MYBPC3: variants seen among roughly 807,000 people sequenced by gnomAD.
MYBPC3 encodes the protein myosin binding protein C3.
A neutral mutation model predicts 159.3 loss-of-function variants in MYBPC3; 108 were observed. The observed-to-expected ratio is 0.68, with a 90% confidence interval of 0.58 to 0.80. The LOEUF (loss-of-function observed/expected upper bound fraction) is 0.80. MYBPC3 is among the 30% of genes least tolerant of loss of function. The pLI is 0.00. For synonymous variants in MYBPC3, 730 were observed against 702.0 expected (o/e 1.04, Z -0.63); for missense variants, 1,631 against 1,762.1 (o/e 0.93, Z 1.33).
rs375774648 is a variant in MYBPC3 at position 47,347,666 on chromosome 11, C to G, written c.836G>C (p.Gly279Ala). 33 of 1,574,236 alleles carry G rather than the reference C, an allele frequency of 2.1e-5. No homozygotes were observed. Among genetic ancestry groups the G allele is most frequent in the Middle Eastern group, 3.5e-4 (2 of 5,652 alleles). The stretch of plus-strand genomic sequence containing the variant: ...GCAGGGGTACCTGATCCGCCGACCA[C>G]CTCCAGCCAGGCTCCTGTGGGGGTT... Reference protein sequence around the residue: ...SAFRRTSLAGGGRRISDSHED... With the variant: ...SAFRRTSLAGAGRRISDSHED... The change falls in exon 8 of 35, where the codon GGT (glycine) becomes GCT (alanine). Residue 279 changes from glycine to alanine, a missense_variant. Transcript: ENST00000545968.
rs730880635 is a variant in MYBPC3, at chr11:47,343,595, G to T, written c.1120C>A (p.Gln374Lys). Reference protein sequence around the residue: ...AFQKKLEPAYQVSKGHKIRLT... With the variant: ...AFQKKLEPAYKVSKGHKIRLT... ...CGGATCTTGTGGCCTTTGCTCACCT[G>T]GTAGGCCGGCTCCAGCTTCTTCTGA... The change falls in exon 13 of 35, where the codon CAG becomes AAG. Residue 374 changes from glutamine (Q) to lysine (K), a missense_variant. Transcript: ENST00000545968. 6.2e-7 allele frequency: 1 copy of T among 1,612,756 alleles called. No individual in the cohort carries two copies. The highest frequency in any genetic ancestry group is 1.7e-5 in the Admixed American group (1 of 59,926).
Position 47,350,518 on chromosome 11 carries a change from A to T in MYBPC3, c.390T>A (p.Ser130Arg). The T allele has an allele frequency of 6.4e-7, 1 of 1,558,736 alleles. No homozygotes were observed. Among genetic ancestry groups the T allele is most frequent in the Non-Finnish European group, 8.6e-7 (1 of 1,156,252 alleles). Residue 130 changes from serine to arginine, a missense_variant, in exon 3 of 35, where the codon AGT becomes AGA. Ser to Arg is a moderately radical substitution (Grantham distance 110, BLOSUM62 -1). Transcript: ENST00000545968. ...APAPAAELGESAPSPKGSSSA... is the reference protein window; with the variant it reads ...APAPAAELGERAPSPKGSSSA... ...CCCTCTCACCTTTGGGACTTGGGGC[A>T]CTTTCTCCCAGCTCAGCGGCTGGGG...
In MYBPC3 at chr11:47,338,857, C is replaced by T. The variant is rs1015805397; in HGVS notation, c.2149-178G>A. 6.6e-6 allele frequency among the ~76,000 whole-genome samples: 1 copy of T among 152,132 alleles called. No homozygotes were observed. The highest frequency in any genetic ancestry group is 1.5e-5 in the Non-Finnish European group (1 of 68,010). On this transcript the variant is annotated intron_variant, in intron 22 of 34. Transcript: ENST00000545968. This position sits in a 1 kb window ranked among gnomAD's most constrained non-coding sequence, Gnocchi z 4.7. Reference sequence around the variant, plus strand: ...GTGGCACCGACTGAGGGCAGGGGCTCGGGTTCTAGCTTTGTCACGGGACCT... The same window carrying T: ...GTGGCACCGACTGAGGGCAGGGGCTTGGGTTCTAGCTTTGTCACGGGACCT...
intron 27 of MYBPC3, 82 bp downstream of exon 27, chr11:47,334,960 C>T (rs1364221177): frequency 7.3e-7 from 1 of 1,375,930 alleles, no homozygotes; most frequent in Non-Finnish European, 9.5e-7. Flanking sequence ...TCTGGGCCTC[C>T]CCAACTGTCC....
chr11:47,344,713 T>C (rs947474582), intron 12 of MYBPC3, among the ~76,000 whole-genome samples: 2 of 152,220 alleles, frequency 1.3e-5, no homozygotes, highest in Admixed American at 6.5e-5. Flanking sequence ...GAAATGGTAA[T>C]AGTCCTTCCA....
chr11:47,333,902 G>C lies in MYBPC3; in HGVS notation c.2994+20C>G. 1 of 1,562,594 alleles carries C rather than the reference G, an allele frequency of 6.4e-7. No homozygotes were observed. Among genetic ancestry groups the C allele is most frequent in the East Asian group, 2.4e-5 (1 of 41,814 alleles). Reference sequence around the variant, plus strand: ...TATAGCCTCTCTCCCCTGGGGGACAGGGAAGGGGGCCAGTCCCACCTGGAA... The same window carrying C: ...TATAGCCTCTCTCCCCTGGGGGACACGGAAGGGGGCCAGTCCCACCTGGAA... On this transcript the variant is annotated intron_variant, in intron 28 of 34. Transcript: ENST00000545968.
chr11:47,349,480 G>C (rs1005592249), intron 5 of MYBPC3, among the ~76,000 whole-genome samples: 1 of 149,558 alleles, frequency 6.7e-6, no homozygotes. Context: ...CACCCTGGGC[G>C]ACCCCCCACC....
intron 21 of MYBPC3, 69 bp from the exon 22 acceptor site, chr11:47,339,473 C>A (rs2856654): frequency 6.5e-7 from 1 of 1,548,926 alleles, no homozygotes; most frequent in South Asian, 1.1e-5. Context: ...CCCTCTGCTG[C>A]TTCTTCCACC....
rs769123745 is a variant in MYBPC3 at position 47,339,806 on chromosome 11, T to G, written c.1928-16A>C. 2 of 1,608,030 alleles carry G rather than the reference T, an allele frequency of 1.2e-6. No individual in the cohort carries two copies. The highest frequency in any genetic ancestry group is 2.2e-5 in the South Asian group (2 of 90,894). On this transcript the variant is annotated splice_polypyrimidine_tract_variant and intron_variant, in intron 20 of 34. Coordinates refer to ENST00000545968, the MANE Select transcript of MYBPC3 (RefSeq NM_000256.3). ...TTGGGAGGTTCTGCAGAAGACACAA[T>G]GTAGTTCAGAGAAACGGGAGAGCCA...
chr11:47,336,754 T>C (rs1325429534), intron 25 of MYBPC3, among the ~76,000 whole-genome samples: 1 of 152,104 alleles, frequency 6.6e-6, no homozygotes, highest in Admixed American at 6.5e-5. Flanking sequence ...GGAACAGGTG[T>C]CCTCCTGAGC....
Position 47,335,108 on chromosome 11 carries a change from G to A in MYBPC3, c.2839C>T (p.His947Tyr). ...GARLLFRVRAHNMAGPGAPVT... is the reference protein window; with the variant it reads ...GARLLFRVRAYNMAGPGAPVT... The stretch of plus-strand genomic sequence containing the variant: ...GGGGCTCCAGGCCCTGCCATATTGT[G>A]TGCCCGCACTCGGAAAAGCAGCCGG... Residue 947 changes from histidine (H) to tyrosine (Y), a missense_variant, in exon 27 of 35, where the codon CAC becomes TAC. Transcript: ENST00000545968. 1.2e-6 allele frequency: 2 copies of A among 1,611,880 alleles called. No homozygotes were observed. Among genetic ancestry groups the A allele is most frequent in the Non-Finnish European group, 1.7e-6 (2 of 1,178,892 alleles).
intron 8 of MYBPC3, 57 bp downstream of exon 8, chr11:47,347,594 C>T: frequency 5.1e-6 from 8 of 1,560,536 alleles, no homozygotes; most frequent in South Asian, 2.4e-5. Context: ...GGCTCCCACC[C>T]GTCTCAGACC....
At position 47,335,037 on chromosome 11, in the gene MYBPC3, C is replaced by A. The variant is rs193922381; in HGVS notation, c.2905+5G>T. On this transcript the variant is annotated splice_donor_5th_base_variant and intron_variant, in intron 27 of 34. Transcript: ENST00000545968. ...GGTCTTGTGACTGCACAAAGGGGCA[C>A]TCACGCAGGATCTCCTGCACTGTCA... is the stretch of plus-strand genomic sequence containing the variant. 1 of 1,527,030 alleles carries A rather than the reference C, an allele frequency of 6.5e-7. No individual in the cohort carries two copies. 94.6% of individuals were successfully genotyped at this position (1,527,030 alleles called of 1,614,324 possible). A position where few individuals can be genotyped will look rare whatever the true frequency, so the allele number is the denominator to read the frequency against.
intron 25 of MYBPC3, 123 bp from the exon 26 acceptor site, chr11:47,336,134 C>T (rs1330703129): frequency 8.1e-6 from 8 of 984,456 alleles, no homozygotes; most frequent in Non-Finnish European, 1.4e-6. Flanking sequence ...TGGCTTTTGG[C>T]CACTTTAAGG....
At chr11:47,352,345 T>G (rs1473836846) in intron 1 of MYBPC3, among the ~76,000 whole-genome samples, 1 of 152,086 alleles carries the variant, frequency 6.6e-6, no homozygotes, top group Non-Finnish European at 1.5e-5. Context: ...AAGGGGTCCC[T>G]TTGCATTCTC....
chr11:47,339,508 C>T (rs2095886081), intron 21 of MYBPC3, 104 bp from the exon 22 acceptor site: 9 of 1,497,630 alleles, frequency 6.0e-6, no homozygotes, highest in Admixed American at 1.8e-5. Context: ...GCCCACCTTG[C>T]CTGCCCCCTG....
Position 47,335,182 on chromosome 11 carries a change from C to G in MYBPC3, c.2765G>C (p.Gly922Ala). Residue 922 changes from glycine to alanine, a missense_variant, in exon 27 of 35, where the codon GGG becomes GCG. Physicochemically the swap from Gly to Ala is moderately conservative, Grantham distance 60. Transcript: ENST00000545968. The part of the protein sequence containing the change: ...GCSEWVAALQ[G>A]LTEHTSILVK... ...CAGTATCGATGTGTGCTCTGTCAGCCCCTGCAGGGCAGCCACCCACTCTGA... is the reference window on the plus strand; with the variant it reads ...CAGTATCGATGTGTGCTCTGTCAGCGCCTGCAGGGCAGCCACCCACTCTGA... The G allele has an allele frequency of 6.2e-7, 1 of 1,607,340 alleles. No homozygotes were observed. The highest frequency in any genetic ancestry group is 8.5e-7 in the Non-Finnish European group (1 of 1,176,476).
chr11:47,346,307 TG>T lies in MYBPC3; in HGVS notation c.989del (p.Pro330HisfsTer20). On this transcript the variant is annotated frameshift_variant, in exon 12 of 35. Transcript: ENST00000545968. LOFTEE classifies it high-confidence loss of function. This position sits in a 1 kb window ranked among gnomAD's most constrained non-coding sequence, Gnocchi z 5.3. Reference sequence around the variant, plus strand: ...GGAAGGCGATGCGCTCGTACTCAGATGGGGGTGCCTGCCGTAGGATCTCCCA... The same window carrying T: ...GGAAGGCGATGCGCTCGTACTCAGATGGGGTGCCTGCCGTAGGATCTCCCA... ...DVWEILRQAPPSEYERIAFQY... is the reference protein window; with the variant it reads ...DVWEILRQAPXSEYERIAFQY... The T allele has an allele frequency of 1.2e-6, 2 of 1,612,654 alleles. No homozygotes were observed. The highest frequency in any genetic ancestry group is 1.7e-6 in the Non-Finnish European group (2 of 1,179,360).
At chr11:47,331,904 A>G (rs1003444493) in intron 33 of MYBPC3, 23 bp from the exon 34 acceptor site, 1 of 1,608,924 alleles carries the variant, frequency 6.2e-7, no homozygotes, top group Non-Finnish European at 8.5e-7. Flanking sequence ...AGGCCATGTC[A>G]CTGTGTCCTC....
Sources: allele counts gnomAD v4.1 joint callset (sites outside exome capture counted in the v4.1 genomes callset), GRCh38; gene constraint gnomAD v4.1.1; non-coding constraint Gnocchi (gnomAD v3.1); transcripts MANE v1.5; gene names NCBI Gene and HGNC (gene_info 2026-07-23, HGNC 2026-07-21).